Variants in TRHDE observed in about 807,000 individuals in gnomAD.
TRHDE encodes the protein thyrotropin-releasing hormone-degrading ectoenzyme.
Under a neutral mutation model 125.7 loss-of-function variants are expected in TRHDE, and 72 were observed. That is an observed-to-expected ratio of 0.57 (90% CI 0.47 to 0.70). The LOEUF (loss-of-function observed/expected upper bound fraction) is 0.70. TRHDE is among the 30% of genes least tolerant of loss of function. The probability of loss-of-function intolerance (pLI) is 0.00; values close to 1 mark genes in which losing one functional copy is unlikely to be tolerated. For synonymous variants in TRHDE, 509 were observed against 509.1 expected, an observed-to-expected ratio of 1.00 and a Z score of 0.00; for missense variants, 1,110 against 1,327.1, an observed-to-expected ratio of 0.84 and a Z score of 2.54.
intron 18 of TRHDE, among the ~76,000 whole-genome samples, chr12:72,658,885 AC>A (rs1231057405): frequency 6.6e-6 from 1 of 152,168 alleles, no homozygotes; most frequent in East Asian, 1.9e-4. Flanking sequence ...GCTTTTGAAT[AC>A]TTACATCATC....
In TRHDE at chr12:72,473,171, C is replaced by T. The variant is rs780039851; in HGVS notation, c.1575C>T (p.Gly525=). 10 of 1,612,984 alleles carry T rather than the reference C, an allele frequency of 6.2e-6. No individual in the cohort carries two copies. In the South Asian group the frequency reaches 7.7e-5, roughly 12 times the overall value. Residue 525 remains glycine, a synonymous_variant, in exon 5 of 19, where the codon GGC becomes GGT. Coordinates refer to ENST00000261180, the MANE Select transcript of TRHDE (RefSeq NM_013381.3). ...TTGGTACAGACTACCTCTATCCTGGCTGGAACATGGTAAGTGCACTTGAAT... is the reference window on the plus strand; with the variant it reads ...TTGGTACAGACTACCTCTATCCTGGTTGGAACATGGTAAGTGCACTTGAAT... The part of the protein sequence containing the change: ...EFVGTDYLYP[G]WNMEKQRFLT...
chr12:72,392,927 G>A (rs1872662018), intron 3 of TRHDE, among the ~76,000 whole-genome samples: 1 of 151,802 alleles, frequency 6.6e-6, no homozygotes, highest in South Asian at 2.1e-4. Context: ...CACATTAATG[G>A]AATTTACATT....
chr12:72,384,037 T>A (rs939573573), intron 3 of TRHDE, among the ~76,000 whole-genome samples: 3 of 152,232 alleles, frequency 2.0e-5, no homozygotes, highest in Non-Finnish European at 1.5e-5. Flanking sequence ...TTATAACTCA[T>A]AATTTTATTA....
intron 16 of TRHDE, 113 bp from the exon 17 acceptor site, chr12:72,652,903 C>T (rs1874562048): frequency 1.3e-6 from 1 of 747,252 alleles, no homozygotes; most frequent in Non-Finnish European, 2.1e-6. Context: ...TTAAAGATTG[C>T]ACTAGACTAT....
At chr12:72,515,540 G>A (rs532051242) in intron 6 of TRHDE, among the ~76,000 whole-genome samples, 10 of 152,116 alleles carry the variant, frequency 6.6e-5, no homozygotes, top group African/African-American at 2.2e-4. Context: ...CTAGATATTA[G>A]CCCTTTGTCA....
At chr12:72,470,733 A>T (rs1406664470) in intron 4 of TRHDE, among the ~76,000 whole-genome samples, 1 of 152,174 alleles carries the variant, frequency 6.6e-6, no homozygotes, top group East Asian at 1.9e-4. Flanking sequence ...TAGAAGCTGA[A>T]AAAACTAAGG....
At chr12:72,127,742 G>T (rs1348719907) in intron 2 of TRHDE, among the ~76,000 whole-genome samples, 1 of 152,128 alleles carries the variant, frequency 6.6e-6, no homozygotes, top group East Asian at 1.9e-4. Context: ...TGAGTGATGA[G>T]ATCACTTATA....
At chr12:72,380,805 T>G (rs565581099) in intron 3 of TRHDE, among the ~76,000 whole-genome samples, 113 of 135,692 alleles carry the variant, frequency 8.3e-4, no homozygotes, top group African/African-American at 3.3e-3. Context: ...CTTCCTTCCT[T>G]CCTTCCTTCC....
At chr12:72,196,358 T>C (rs529199768) in intron 2 of TRHDE, among the ~76,000 whole-genome samples, 7 of 152,276 alleles carry the variant, frequency 4.6e-5, no homozygotes, top group Admixed American at 4.6e-4. Flanking sequence ...TCCATGAGCA[T>C]AGAATGTTTT....
At chr12:72,289,383 A>T (rs912932224) in intron 2 of TRHDE, among the ~76,000 whole-genome samples, 9 of 151,736 alleles carry the variant, frequency 5.9e-5, no homozygotes, top group Non-Finnish European at 1.2e-4. Flanking sequence ...TAGAAAGATT[A>T]AAAAAAAATC....
chr12:72,175,690 C>A (rs1470227095), intron 2 of TRHDE, among the ~76,000 whole-genome samples: 1 of 152,174 alleles, frequency 6.6e-6, no homozygotes, highest in Admixed American at 6.5e-5. Context: ...ACCTAATGGA[C>A]CACCTATACT....
chr12:72,271,243 C>A (rs1371351325), upstream of TRHDE, among the ~76,000 whole-genome samples: 1 of 152,176 alleles, frequency 6.6e-6, no homozygotes, highest in Non-Finnish European at 1.5e-5. Context: ...CTGGACACAT[C>A]GCACAGTATA....
At chr12:72,312,507 A>G (rs1868593884) in intron 2 of TRHDE, among the ~76,000 whole-genome samples, 1 of 152,202 alleles carries the variant, frequency 6.6e-6, no homozygotes, top group South Asian at 2.1e-4. Flanking sequence ...TTTTAAAAAT[A>G]ATAAAAATAA....
At chr12:72,214,500 A>C (rs1316524617) in intron 2 of TRHDE, among the ~76,000 whole-genome samples, 1 of 152,214 alleles carries the variant, frequency 6.6e-6, no homozygotes, top group East Asian at 1.9e-4. Context: ...TTGGTTTTCT[A>C]GATATTTTGA....
At chr12:72,132,638 C>G (rs1875891137) in intron 2 of TRHDE, among the ~76,000 whole-genome samples, 1 of 152,174 alleles carries the variant, frequency 6.6e-6, no homozygotes, top group Admixed American at 6.5e-5. Flanking sequence ...TCTAAGTTCA[C>G]ACATCAAACC....
At chr12:72,309,782 A>G (rs1868455732) in intron 2 of TRHDE, 2 of 152,176 alleles carry the variant, frequency 1.3e-5, no homozygotes, top group Admixed American at 6.6e-5. Context: ...TGCAGAGGAA[A>G]GACAGGAAAA....
chr12:72,507,213 C>T (rs1183791646), intron 6 of TRHDE, among the ~76,000 whole-genome samples: 1 of 152,110 alleles, frequency 6.6e-6, no homozygotes, highest in Non-Finnish European at 1.5e-5. Flanking sequence ...AATGTGAGAA[C>T]TAATACAGAA....
chr12:72,165,732 G>A (rs576160989), intron 2 of TRHDE, among the ~76,000 whole-genome samples: 2 of 151,496 alleles, frequency 1.3e-5, no homozygotes, highest in South Asian at 2.1e-4. Context: ...GGAGGGTCAG[G>A]GGCACGATCT....
intron 1 of TRHDE, among the ~76,000 whole-genome samples, chr12:72,093,189 G>C (rs1240510769): frequency 1.3e-5 from 2 of 152,234 alleles, no homozygotes; most frequent in African/African-American, 2.4e-5. Context: ...TGAGAAGTCT[G>C]CTGATAGCCT....
Sources: allele counts gnomAD v4.1 joint callset (sites outside exome capture counted in the v4.1 genomes callset), GRCh38; gene constraint gnomAD v4.1.1; transcripts MANE v1.5; gene names NCBI Gene and HGNC (gene_info 2026-07-23, HGNC 2026-07-21).